The following MRE11 variants were observed in gnomAD, a reference collection of about 807,000 sequenced individuals.
The protein encoded by MRE11 is double-strand break repair protein MRE11.
In MRE11, 62 loss-of-function variants were observed where a neutral mutation model predicts 91.7. The observed-to-expected ratio is 0.68, with a 90% CI of 0.55 to 0.84. MRE11 has a LOEUF of 0.84. Among genes scored for constraint, MRE11 ranks in the 40% least tolerant of loss-of-function variants. MRE11 has a pLI of 0.00. For missense variants in MRE11, 796 were observed against 852.9 expected (o/e 0.93, Z 0.83); for synonymous variants, 273 against 271.4 (o/e 1.01, Z -0.06).
intron 11 of MRE11, 110 bp downstream of exon 11, chr11:94,464,003 A>G: frequency 8.1e-7 from 1 of 1,227,354 alleles, no homozygotes; most frequent in Non-Finnish European, 1.2e-6. Context: ...TGTTTAAGAC[A>G]TTACAATCAT....
intron 11 of MRE11, among the ~76,000 whole-genome samples, chr11:94,461,857 C>T (rs968892661): frequency 6.6e-6 from 1 of 152,126 alleles, no homozygotes; most frequent in Non-Finnish European, 1.5e-5. Context: ...GGGCGGATCA[C>T]AAGGTCAGGA....
chr11:94,445,342 T>C (rs1945895113), intron 16 of MRE11, among the ~76,000 whole-genome samples: 1 of 152,348 alleles, frequency 6.6e-6, no homozygotes, highest in East Asian at 1.9e-4. Flanking sequence ...ACGGAGTCTC[T>C]CTCTGTTGCT....
chr11:94,486,646 A>G (rs759722968), intron 3 of MRE11, among the ~76,000 whole-genome samples: 1 of 152,250 alleles, frequency 6.6e-6, no homozygotes, highest in African/African-American at 2.4e-5. Flanking sequence ...ACATTTAAAC[A>G]TAAGTCAAAC....
Position 94,474,835 on chromosome 11 carries a change from C to T in MRE11, c.659+1454G>A, listed in dbSNP as rs546877616. 3.9e-5 allele frequency among the ~76,000 whole-genome samples: 6 copies of T among 152,206 alleles called. No individual in the cohort carries two copies. In the East Asian group the frequency reaches 1.2e-3, roughly 29 times the overall value. On this transcript the variant is annotated intron_variant, in intron 7 of 19. Transcript: ENST00000323929. ...CATTTGGCTTAAATTCTTAGAATTA[C>T]TTATGAGTTTTCCTTTCAACTCATC...
intron 9 of MRE11, among the ~76,000 whole-genome samples, chr11:94,469,641 G>A (rs1217960873): frequency 6.6e-6 from 1 of 152,084 alleles, no homozygotes; most frequent in Non-Finnish European, 1.5e-5. Flanking sequence ...CTGTGACACT[G>A]AATGAGTCAC....
intron 4 of MRE11, among the ~76,000 whole-genome samples, chr11:94,482,660 G>A (rs1443183593): frequency 1.3e-5 from 2 of 152,226 alleles, no homozygotes; most frequent in African/African-American, 4.8e-5. Context: ...CCGGCTGGGT[G>A]TGGTGGCTCA....
intron 18 of MRE11, among the ~76,000 whole-genome samples, chr11:94,433,894 T>C (rs549132715): frequency 6.6e-6 from 1 of 152,324 alleles, no homozygotes; most frequent in East Asian, 1.9e-4. Context: ...TCCGCTTAAA[T>C]GTAGCTTCCT....
At chr11:94,459,270 T>C in intron 13 of MRE11, 138 bp downstream of exon 13, 1 of 911,346 alleles carries the variant, frequency 1.1e-6, no homozygotes, top group African/African-American at 1.7e-5. Flanking sequence ...AACCTTCATT[T>C]TATCATTTCA....
At chr11:94,485,873 G>T in intron 4 of MRE11, 51 bp downstream of exon 4, 1 of 1,556,276 alleles carries the variant, frequency 6.4e-7, no homozygotes, top group Non-Finnish European at 8.8e-7. Flanking sequence ...GTCTTATACA[G>T]CAAATACCAT....
intron 4 of MRE11, among the ~76,000 whole-genome samples, chr11:94,482,704 C>T (rs7949265): frequency 3.3e-5 from 5 of 152,008 alleles, no homozygotes; most frequent in Admixed American, 6.6e-5. Context: ...GAGGCCAAGT[C>T]GGGAGGATCA....
Position 94,459,409 on chromosome 11 carries a change from T to A in MRE11, c.1499A>T (p.Glu500Val), listed in dbSNP as rs786203159. 5 of 1,613,774 alleles carry A rather than the reference T, an allele frequency of 3.1e-6. No homozygotes were observed. In the Admixed American group the frequency reaches 8.3e-5, roughly 27 times the overall value. The change falls in exon 13 of 20, where the codon GAG becomes GTG. Residue 500 changes from glutamate (E) to valine (V), a missense_variant and splice_region_variant. Transcript: ENST00000323929. The part of the protein sequence containing the change: ...IDALEDKIDE[E>V]VRRFRETRQK... Reference sequence around the variant, plus strand: ...TAGACACTCAAATTAGTTACTTACCTCCTCATCGATTTTGTCTTCGAGGGC... The same window carrying A: ...TAGACACTCAAATTAGTTACTTACCACCTCATCGATTTTGTCTTCGAGGGC...
chr11:94,459,100 T>C (rs1946343917), intron 13 of MRE11, among the ~76,000 whole-genome samples: 1 of 152,088 alleles, frequency 6.6e-6, no homozygotes, highest in South Asian at 2.1e-4. Flanking sequence ...CAAAACTTAC[T>C]AAAAAAATTA....
the MRE11 span, among the ~76,000 whole-genome samples, chr11:94,500,184 G>A: frequency 6.6e-6 from 1 of 152,196 alleles, no homozygotes; most frequent in African/African-American, 2.4e-5. Flanking sequence ...AAGTCACAGA[G>A]CTGATGGCTC....
intron 1 of MRE11, among the ~76,000 whole-genome samples, chr11:94,493,338 A>G (rs887439731): frequency 1.3e-5 from 2 of 152,136 alleles, no homozygotes; most frequent in South Asian, 4.1e-4. Context: ...GGACCTGGCT[A>G]GTTTGGAAAA....
At chr11:94,480,225 G>A (rs2135095321) in intron 4 of MRE11, among the ~76,000 whole-genome samples, 1 of 152,250 alleles carries the variant, frequency 6.6e-6, no homozygotes, top group East Asian at 1.9e-4. Flanking sequence ...CTTCTCAGAG[G>A]CAAATAATGT....
intron 16 of MRE11, 133 bp downstream of exon 16, chr11:94,445,677 T>C: frequency 2.7e-6 from 2 of 732,824 alleles, no homozygotes; most frequent in Non-Finnish European, 4.9e-6. Context: ...TTTTAAAAAA[T>C]AATTTATCCT....
At chr11:94,434,211 T>C (rs1007463149) in intron 18 of MRE11, among the ~76,000 whole-genome samples, 8 of 152,180 alleles carry the variant, frequency 5.3e-5, no homozygotes, top group African/African-American at 1.9e-4. Context: ...CCCCAGAACC[T>C]AGCATGATGT....
chr11:94,438,440 A>G (rs1211076979), intron 16 of MRE11, among the ~76,000 whole-genome samples: 2 of 152,222 alleles, frequency 1.3e-5, no homozygotes, highest in Non-Finnish European at 2.9e-5. Flanking sequence ...AGGCAGAAAC[A>G]GTGTTCTTAT....
At position 94,486,027 on chromosome 11, in the gene MRE11, T is replaced by C. The variant is rs1947134490; in HGVS notation, c.211A>G (p.Thr71Ala). The C allele has an allele frequency of 1.2e-6, 2 of 1,613,728 alleles. No individual in the cohort carries two copies. Among genetic ancestry groups the C allele is most frequent in the South Asian group, 2.2e-5 (2 of 91,078 alleles). The change falls in exon 4 of 20, where the codon ACA becomes GCA. Residue 71 changes from threonine (T) to alanine (A), a missense_variant. Physicochemically the swap from Thr to Ala is moderately conservative, Grantham distance 58 (BLOSUM62 0). Coordinates refer to ENST00000323929, the MANE Select transcript of MRE11 (RefSeq NM_005591.4). Reference protein sequence around the residue: ...LFHENKPSRKTLHTCLELLRK... With the variant: ...LFHENKPSRKALHTCLELLRK... ...AATAACTCGAGGCAGGTATGTAATG[T>C]TTTCCTTGAGGGCTTATTTTCATGA...
Sources: allele counts gnomAD v4.1 joint callset (sites outside exome capture counted in the v4.1 genomes callset), GRCh38; gene constraint gnomAD v4.1.1; transcripts MANE v1.5; gene names NCBI Gene and HGNC (gene_info 2026-07-23, HGNC 2026-07-21).